DHX37: variants seen among roughly 807,000 people sequenced by gnomAD.
The protein encoded by DHX37 is DEAH-box helicase 37.
A neutral mutation model predicts 134.3 loss-of-function variants in DHX37; 52 were observed. The ratio of observed to expected loss-of-function variants is 0.39; its 90% CI spans 0.31 to 0.49. The LOEUF (loss-of-function observed/expected upper bound fraction) is 0.49. Among genes scored for constraint, DHX37 ranks in the 20% least tolerant of loss-of-function variants. The pLI is 0.93. For missense variants in DHX37, 1,344 were observed against 1,580.8 expected (o/e 0.85, Z 2.54); for synonymous variants, 634 against 670.7 (o/e 0.95, Z 0.85).
intron 6 of DHX37, among the ~76,000 whole-genome samples, chr12:124,973,638 C>CTTT (rs71092252): frequency 0.03 from 3,107 of 102,682 alleles, 398 homozygotes; most frequent in Middle Eastern, 0.075. Flanking sequence ...CCCCCCAACG[C>CTTT]TTTTTTTTTT....
At chr12:124,984,758 C>T (rs1466724096) in intron 2 of DHX37, among the ~76,000 whole-genome samples, 1 of 152,082 alleles carries the variant, frequency 6.6e-6, no homozygotes, top group Non-Finnish European at 1.5e-5. Context: ...TATAGAGATA[C>T]AAATTGAAAT....
intron 4 of DHX37, 95 bp from the exon 5 acceptor site, chr12:124,977,585 C>G (rs1018783753): frequency 7.2e-7 from 1 of 1,382,394 alleles, no homozygotes; most frequent in African/African-American, 1.5e-5. Flanking sequence ...GGGTGCTGAA[C>G]AGATGTGCCT....
At chr12:124,966,416 T>C (rs1954388404) in intron 12 of DHX37, among the ~76,000 whole-genome samples, 1 of 151,794 alleles carries the variant, frequency 6.6e-6, no homozygotes, top group African/African-American at 2.4e-5. Flanking sequence ...CAGGCTAGAG[T>C]GCAGTGGGAC....
chr12:124,953,626 G>T, intron 20 of DHX37: 1 of 551,286 alleles, frequency 1.8e-6, no homozygotes, highest in Non-Finnish European at 3.1e-6. Context: ...GTATCGCCAG[G>T]GAAAAGGTGA....
intron 16 of DHX37, among the ~76,000 whole-genome samples, chr12:124,959,545 T>G (rs1328250009): frequency 6.6e-6 from 1 of 151,858 alleles, no homozygotes; most frequent in African/African-American, 2.4e-5. Flanking sequence ...TTTTATTAGG[T>G]GAAAAAATCA....
chr12:124,974,840 G>A (rs968421295), intron 6 of DHX37, among the ~76,000 whole-genome samples: 3 of 151,292 alleles, frequency 2.0e-5, no homozygotes, highest in Middle Eastern at 3.4e-3. Context: ...GCAATGGTGC[G>A]ATCTTGGCTT....
chr12:124,965,020 A>T lies in DHX37; in HGVS notation c.1736-14T>A. ...CCGGCTGCTCACCTGGAGGGAAAGC[A>T]GAGGTCACTGGCACCCAGGCCGGGA... On this transcript the variant is annotated splice_polypyrimidine_tract_variant and intron_variant, in intron 13 of 26. Coordinates refer to ENST00000308736, the MANE Select transcript of DHX37 (RefSeq NM_032656.4). 1 of 1,588,218 alleles carries T rather than the reference A, an allele frequency of 6.3e-7. No individual in the cohort carries two copies. The highest frequency in any genetic ancestry group is 1.9e-5 in the Admixed American group (1 of 53,794).
intron 1 of DHX37, 66 bp from the exon 2 acceptor site, chr12:124,986,331 C>A: frequency 6.4e-7 from 1 of 1,569,732 alleles, no homozygotes; most frequent in Non-Finnish European, 8.6e-7. Context: ...CTCCCACAAG[C>A]CCCCTGACTT....
intron 8 of DHX37, among the ~76,000 whole-genome samples, chr12:124,970,153 T>C (rs758118229): frequency 1.3e-5 from 2 of 152,146 alleles, no homozygotes; most frequent in Non-Finnish European, 2.9e-5. Flanking sequence ...TTCGTTTTTT[T>C]AGTAGAGACA....
In DHX37 at chr12:124,988,956, C is replaced by T; in HGVS notation, c.67G>A (p.Gly23Ser). 7.4e-7 allele frequency: 1 copy of T among 1,344,584 alleles called. No homozygotes were observed. Among genetic ancestry groups the T allele is most frequent in the Non-Finnish European group, 9.6e-7 (1 of 1,038,992 alleles). 83.3% of individuals were successfully genotyped at this position (1,344,584 alleles called of 1,614,324 possible). ...TGCACGGGGGGCGGCTCGGGGGGGC[C>T]CTTCGAGGGTCCGGGGCCCGCCTGC... ...RQQAGPGPSK[G>S]PPEPPPVQLE... The change falls in exon 1 of 27, where the codon GGC becomes AGC. Residue 23 changes from glycine to serine, a missense_variant. By Grantham distance (56) the Gly-to-Ser change is moderately conservative (BLOSUM62 0). This residue lies in a region of DHX37 where 319 missense variants were observed against 296.1 expected (regional missense o/e 1.08). Transcript: ENST00000308736.
chr12:124,989,008 G>T lies in DHX37; in HGVS notation c.15C>A (p.Arg5=). The change falls in exon 1 of 27, where the codon CGC becomes CGA. Residue 5 remains arginine, a synonymous_variant. Transcript: ENST00000308736. MGKL[R]RRYNIKGRQQ... ...GGCGCCCCTTGATGTTGTAGCGCCGGCGCAGCTTCCCCATGGCGACTAGGC... is the reference window on the plus strand; with the variant it reads ...GGCGCCCCTTGATGTTGTAGCGCCGTCGCAGCTTCCCCATGGCGACTAGGC... 4 of 1,372,336 alleles carry T rather than the reference G, an allele frequency of 2.9e-6. No individual in the cohort carries two copies. Among genetic ancestry groups the T allele is most frequent in the Non-Finnish European group, 3.8e-6 (4 of 1,055,438 alleles). 85.0% of individuals were successfully genotyped at this position (1,372,336 alleles called of 1,614,324 possible).
At chr12:124,962,045 CAA>C (rs1030923028) in intron 15 of DHX37, among the ~76,000 whole-genome samples, 1 of 151,650 alleles carries the variant, frequency 6.6e-6, no homozygotes, top group East Asian at 1.9e-4. Flanking sequence ...TAAAACAAAA[CAA>C]AAAAAACACC....
chr12:124,982,221 T>C (rs1241258053), intron 3 of DHX37, among the ~76,000 whole-genome samples: 1 of 151,794 alleles, frequency 6.6e-6, no homozygotes, highest in Admixed American at 6.6e-5. Context: ...TCTGGCCTAA[T>C]CAGCTGCACA....
At chr12:124,984,148 C>T (rs541607789) in intron 2 of DHX37, among the ~76,000 whole-genome samples, 77 of 152,298 alleles carry the variant, frequency 5.1e-4, no homozygotes, top group African/African-American at 1.4e-3. Flanking sequence ...CAGCGGGGGG[C>T]GGCGCGCAAA....
intron 2 of DHX37, 62 bp from the exon 3 acceptor site, chr12:124,982,685 T>C: frequency 6.3e-7 from 1 of 1,582,006 alleles, no homozygotes; most frequent in South Asian, 1.1e-5. Context: ...AGAAGGGAAG[T>C]GAGACTGTAA....
intron 26 of DHX37, 68 bp downstream of exon 26, chr12:124,948,016 A>G: frequency 1.2e-6 from 2 of 1,613,952 alleles, no homozygotes; most frequent in Non-Finnish European, 1.7e-6. Flanking sequence ...CCGTGCACAA[A>G]GCACAAAGCC....
intron 6 of DHX37, among the ~76,000 whole-genome samples, chr12:124,973,970 C>CG (rs1009289943): frequency 2.5e-5 from 3 of 118,056 alleles, no homozygotes; most frequent in Non-Finnish European, 5.0e-5. Context: ...TTTTCTGAGA[C>CG]GGAGTCTCGC....
At chr12:124,956,547 T>C in intron 18 of DHX37, 144 bp downstream of exon 18, 1 of 1,003,732 alleles carries the variant, frequency 1.0e-6, no homozygotes, top group Non-Finnish European at 1.4e-6. Context: ...AGAGTGCAGT[T>C]GCACAATCTC....
In DHX37 at chr12:124,977,421, T is replaced by C. The variant is rs762650883; in HGVS notation, c.808A>G (p.Ile270Val). The stretch of plus-strand genomic sequence containing the variant: ...CCGGTCTCACCACACACGATGACGA[T>C]GGGGTGCTCGGCCACAGCCTCCATG... ...VIMEAVAEHPIVIVCGETGSG... is the reference protein window; with the variant it reads ...VIMEAVAEHPVVIVCGETGSG... Residue 270 changes from isoleucine to valine, a missense_variant, in exon 5 of 27, where the codon ATC becomes GTC. Ile to Val is a conservative substitution (Grantham distance 29). This residue lies in a region of DHX37 where 77 missense variants were observed against 121.6 expected (regional missense o/e 0.63). Transcript: ENST00000308736. 1.2e-6 allele frequency: 2 copies of C among 1,611,462 alleles called. No individual in the cohort carries two copies. The highest frequency in any genetic ancestry group is 8.5e-7 in the Non-Finnish European group (1 of 1,179,072).
Sources: allele counts gnomAD v4.1 joint callset (sites outside exome capture counted in the v4.1 genomes callset), GRCh38; gene constraint gnomAD v4.1.1; regional missense constraint gnomAD v4.1.1; transcripts MANE v1.5; gene names NCBI Gene and HGNC (gene_info 2026-07-23, HGNC 2026-07-21).